The following RAB1A variants were observed in gnomAD, a reference collection of about 807,000 sequenced individuals.
RAB1A encodes the protein RAB1A, member RAS oncogene family.
In RAB1A, 2 loss-of-function variants were observed where a neutral mutation model predicts 26.0. That is an observed-to-expected ratio of 0.08 (90% CI 0.03 to 0.24). The LOEUF is 0.24. Among genes scored for constraint, RAB1A ranks in the 10% least tolerant of loss-of-function variants. RAB1A has a pLI of 1.00. For synonymous variants in RAB1A, 84 were observed against 84.9 expected (o/e 0.99, Z 0.06); for missense variants, 100 against 247.0 (o/e 0.40, Z 3.99).
intron 1 of RAB1A, among the ~76,000 whole-genome samples, chr2:65,108,504 C>T (rs1417352992): frequency 6.6e-6 from 1 of 151,994 alleles, no homozygotes; most frequent in Non-Finnish European, 1.5e-5. Flanking sequence ...ATATAACACT[C>T]TTATTTTAAC....
chr2:65,090,571 A>G (rs1669149091), intron 4 of RAB1A, among the ~76,000 whole-genome samples: 1 of 152,182 alleles, frequency 6.6e-6, no homozygotes, highest in Non-Finnish European at 1.5e-5. Flanking sequence ...CCATAGGCAG[A>G]GACCCCCGAA....
At chr2:65,092,344 T>C (rs963052892) in intron 3 of RAB1A, among the ~76,000 whole-genome samples, 10 of 152,102 alleles carry the variant, frequency 6.6e-5, no homozygotes, top group Non-Finnish European at 1.2e-4. Context: ...AGGATCAAGC[T>C]ACCCTGACTT....
intron 2 of RAB1A, among the ~76,000 whole-genome samples, chr2:65,100,359 C>A (rs559428174): frequency 1.3e-3 from 187 of 148,292 alleles, no homozygotes; most frequent in Middle Eastern, 6.9e-3. Flanking sequence ...CGAGACTGTG[C>A]CACTGCACTC....
At chr2:65,103,510 A>G (rs1373694014) in intron 2 of RAB1A, among the ~76,000 whole-genome samples, 1 of 152,172 alleles carries the variant, frequency 6.6e-6, no homozygotes, top group Non-Finnish European at 1.5e-5. Context: ...TTTGGAGCTT[A>G]GCGCTGCCTT....
intron 1 of RAB1A, among the ~76,000 whole-genome samples, chr2:65,107,254 C>A (rs564977432): frequency 6.6e-6 from 1 of 151,666 alleles, no homozygotes; most frequent in South Asian, 2.1e-4. Context: ...CTAGTAAAGA[C>A]GGGAGTTTCA....
intron 1 of RAB1A, among the ~76,000 whole-genome samples, chr2:65,112,590 G>C (rs1360634449): frequency 6.6e-6 from 1 of 152,094 alleles, no homozygotes; most frequent in Non-Finnish European, 1.5e-5. Context: ...TGAACTGCTT[G>C]AATTTTATAA....
chr2:65,113,137 T>C (rs1208283874), intron 1 of RAB1A, among the ~76,000 whole-genome samples: 1 of 152,058 alleles, frequency 6.6e-6, no homozygotes, highest in African/African-American at 2.4e-5. Flanking sequence ...TGGGGAAAAA[T>C]TGAACTATAC....
chr2:65,108,368 A>AAAAAAAAG (rs72072943), intron 1 of RAB1A, among the ~76,000 whole-genome samples: 5 of 144,052 alleles, frequency 3.5e-5, no homozygotes, highest in African/African-American at 5.1e-5. Context: ...AAAAAAAAAA[A>AAAAAAAAG]AAAGAAAGAA....
At chr2:65,101,657 C>T (rs1289904169) in intron 2 of RAB1A, among the ~76,000 whole-genome samples, 2 of 149,644 alleles carry the variant, frequency 1.3e-5, no homozygotes, top group African/African-American at 4.9e-5. Context: ...TTAAATGACA[C>T]CTAAGTTTAA....
intron 1 of RAB1A, among the ~76,000 whole-genome samples, chr2:65,114,579 C>G (rs1669779327): frequency 6.6e-6 from 1 of 151,784 alleles, no homozygotes; most frequent in South Asian, 2.1e-4. Context: ...CGCGGTGGCT[C>G]ACGCCTGTAA....
chr2:65,126,808 T>C (rs1369405161), intron 1 of RAB1A, among the ~76,000 whole-genome samples: 1 of 152,236 alleles, frequency 6.6e-6, no homozygotes, highest in Non-Finnish European at 1.5e-5. Flanking sequence ...TGAGCTTGTA[T>C]TTGCGTGATA....
chr2:65,099,555 T>C (rs1669369718), intron 2 of RAB1A, among the ~76,000 whole-genome samples: 4 of 152,362 alleles, frequency 2.6e-5, no homozygotes, highest in Admixed American at 2.6e-4. Context: ...CTATAAGCTG[T>C]GCTAGCCAAT....
At chr2:65,098,836 CTTTTTT>C (rs70943624) in intron 2 of RAB1A, among the ~76,000 whole-genome samples, 18 of 103,428 alleles carry the variant, frequency 1.7e-4, no homozygotes, top group Admixed American at 1.2e-3. Flanking sequence ...AACAGTACTT[CTTTTTT>C]TTTTTTTTTT....
intron 3 of RAB1A, among the ~76,000 whole-genome samples, chr2:65,093,839 G>C (rs896290676): frequency 6.6e-6 from 1 of 152,006 alleles, no homozygotes; most frequent in Admixed American, 6.6e-5. Flanking sequence ...GGCCAGGCTG[G>C]TCACGAACTC....
At chr2:65,117,806 A>C (rs560987297) in intron 1 of RAB1A, among the ~76,000 whole-genome samples, 22 of 151,594 alleles carry the variant, frequency 1.5e-4, no homozygotes, top group Non-Finnish European at 2.6e-4. Context: ...CCTGAGCTCA[A>C]GTGATTTACC....
At chr2:65,089,209 G>T in intron 4 of RAB1A, 139 bp from the exon 5 acceptor site, 1 of 830,008 alleles carries the variant, frequency 1.2e-6, no homozygotes, top group Non-Finnish European at 1.8e-6. Flanking sequence ...CACTGCTAAG[G>T]AGTGAAGAGA....
intron 3 of RAB1A, among the ~76,000 whole-genome samples, chr2:65,096,311 T>C (rs907051360): frequency 3.3e-5 from 5 of 152,014 alleles, no homozygotes; most frequent in Admixed American, 6.5e-5. Context: ...CAATACTGTA[T>C]CTCAAAAAAT....
chr2:65,114,116 A>T (rs377417016), intron 1 of RAB1A: 92 of 468,590 alleles, frequency 2.0e-4, no homozygotes, highest in African/African-American at 1.7e-3. Flanking sequence ...CAATACAGCC[A>T]CAAGTATATG....
intron 1 of RAB1A, among the ~76,000 whole-genome samples, chr2:65,123,975 A>G (rs193207361): frequency 6.6e-6 from 1 of 151,882 alleles, no homozygotes; most frequent in East Asian, 1.9e-4. Context: ...TAATTTGATT[A>G]AAGGGGGAAA....
Sources: gnomAD v4.1 joint callset for allele counts (sites outside exome capture counted in the v4.1 genomes callset) on GRCh38, gnomAD v4.1.1 for gene constraint, MANE v1.5 for transcripts, NCBI Gene and HGNC (gene_info 2026-07-23, HGNC 2026-07-21) for gene names.